Variants in DIAPH2 observed in about 807,000 individuals in gnomAD.
The protein encoded by DIAPH2 is diaphanous related formin 2.
DIAPH2 carries 35 observed loss-of-function variants against 92.7 expected under a neutral mutation model. The ratio of observed to expected loss-of-function variants is 0.38; its 90% CI spans 0.29 to 0.50. DIAPH2 has a LOEUF of 0.50. DIAPH2 is among the 20% of genes least tolerant of loss of function. DIAPH2 has a pLI of 0.94. For missense variants in DIAPH2, 701 were observed against 819.5 expected, an observed-to-expected ratio of 0.86 and a Z score of 1.77; for synonymous variants, 301 against 280.4, an observed-to-expected ratio of 1.07 and a Z score of -0.73.
chrX:97,147,457 A>G (rs1393083526), intron 22 of DIAPH2, among the ~76,000 whole-genome samples: 1 of 110,769 alleles, frequency 9.0e-6, no homozygotes, highest in Non-Finnish European at 1.9e-5. Context: ...GGTTTACTAG[A>G]CATATTTGAT....
At chrX:97,147,091 T>A (rs2067252921) in intron 22 of DIAPH2, among the ~76,000 whole-genome samples, 1 of 111,466 alleles carries the variant, frequency 9.0e-6, no homozygotes, top group South Asian at 3.7e-4. Flanking sequence ...AGAGAGAGTA[T>A]ATCACTTCCT....
At chrX:97,341,704 T>A (rs1013873313) in intron 23 of DIAPH2, among the ~76,000 whole-genome samples, 11 of 110,938 alleles carry the variant, frequency 9.9e-5, no homozygotes, top group African/African-American at 3.6e-4. Flanking sequence ...ACCAGGAATG[T>A]CAATGTCCCA....
intron 17 of DIAPH2, among the ~76,000 whole-genome samples, chrX:97,057,953 G>A (rs1277823871): frequency 9.2e-6 from 1 of 109,236 alleles, no homozygotes; most frequent in Non-Finnish European, 1.9e-5. Flanking sequence ...GTCACATTGG[G>A]AAATTCTATT....
At chrX:97,226,337 C>T (rs147452773) in intron 22 of DIAPH2, among the ~76,000 whole-genome samples, 1,893 of 110,234 alleles carry the variant, frequency 0.017, 43 homozygotes, top group African/African-American at 0.06. Flanking sequence ...AATGAGTATA[C>T]GTTTTTTGTT....
chrX:96,839,366 A>G (rs192000572), intron 4 of DIAPH2, among the ~76,000 whole-genome samples: 17 of 111,331 alleles, frequency 1.5e-4, no homozygotes, highest in African/African-American at 4.2e-4. Context: ...GTCATAATGT[A>G]TAATAAAGCT....
chrX:96,987,803 A>C (rs1183511821), intron 17 of DIAPH2, among the ~76,000 whole-genome samples: 1 of 110,906 alleles, frequency 9.0e-6, no homozygotes, highest in Non-Finnish European at 1.9e-5. Flanking sequence ...TGTATCTTGA[A>C]GTTTAGAAAT....
At chrX:96,921,814 C>T (rs1352777743) in intron 9 of DIAPH2, among the ~76,000 whole-genome samples, 2 of 107,660 alleles carry the variant, frequency 1.9e-5, no homozygotes, top group African/African-American at 6.8e-5. Context: ...TACATACATT[C>T]ATATGCACAT....
chrX:96,914,658 T>C (rs138591574), intron 7 of DIAPH2, among the ~76,000 whole-genome samples: 234 of 110,771 alleles, frequency 2.1e-3, no homozygotes, highest in African/African-American at 7.3e-3. Context: ...AGTAAGATTC[T>C]TATAGAGCCC....
chrX:97,031,019 T>C lies in DIAPH2; in HGVS notation c.2051-41922T>C, dbSNP rs1404227451. The stretch of plus-strand genomic sequence containing the variant: ...TCCTGTTTAGTTTAACAAATTATTT[T>C]ACTCAGGGCTTTACAATATCTGTCC... On this transcript the variant is annotated intron_variant, in intron 17 of 26. Transcript: ENST00000324765. Among the ~76,000 whole-genome samples, 4 of 111,978 alleles carry C rather than the reference T, an allele frequency of 3.6e-5. No homozygotes were observed. The Admixed American group carries it at 3.8e-4, about 11-fold the overall frequency.
At chrX:96,998,435 G>C (rs983173520) in intron 17 of DIAPH2, among the ~76,000 whole-genome samples, 18 of 111,199 alleles carry the variant, frequency 1.6e-4, no homozygotes, top group African/African-American at 5.9e-4. Context: ...GAAAAAAAAT[G>C]ATAATGCTCA....
chrX:97,406,400 A>G lies in DIAPH2; in HGVS notation c.3145+22356A>G, dbSNP rs187499734. Among the ~76,000 whole-genome samples, 4 of 111,584 alleles carry G rather than the reference A, an allele frequency of 3.6e-5. No individual in the cohort carries two copies. In the East Asian group the frequency reaches 1.1e-3, roughly 31 times the overall value. The stretch of plus-strand genomic sequence containing the variant: ...ATATAAAGATGTCAGCAATGTGTAG[A>G]TTCTCTAAATATGCTTTTCCTTCTT... On this transcript the variant is annotated intron_variant, in intron 25 of 26. Coordinates refer to ENST00000324765, the MANE Select transcript of DIAPH2 (RefSeq NM_006729.5).
chrX:97,325,658 A>G (rs1464099500), intron 23 of DIAPH2, among the ~76,000 whole-genome samples: 2 of 108,044 alleles, frequency 1.9e-5, no homozygotes, highest in Non-Finnish European at 3.8e-5. Flanking sequence ...GCTCACTGCA[A>G]GCTCCGCGTC....
intron 22 of DIAPH2, among the ~76,000 whole-genome samples, chrX:97,174,576 A>G (rs1249545578): frequency 8.9e-6 from 1 of 111,908 alleles, no homozygotes; most frequent in Non-Finnish European, 1.9e-5. Flanking sequence ...GAGCTTTCAT[A>G]AAACAATTTG....
At chrX:96,693,047 G>A (rs1218772775) in intron 1 of DIAPH2, among the ~76,000 whole-genome samples, 1 of 112,027 alleles carries the variant, frequency 8.9e-6, no homozygotes, top group Non-Finnish European at 1.9e-5. Context: ...TGGAGCTGGG[G>A]ATGGGTGGAG....
intron 17 of DIAPH2, among the ~76,000 whole-genome samples, chrX:97,006,482 T>C (rs2066183592): frequency 8.9e-6 from 1 of 112,407 alleles, no homozygotes. Flanking sequence ...CATATATATT[T>C]TGAATCGTTA....
intron 4 of DIAPH2, among the ~76,000 whole-genome samples, chrX:96,830,819 G>C (rs998157641): frequency 3.1e-4 from 34 of 110,735 alleles, no homozygotes; most frequent in Admixed American, 2.9e-4. Context: ...AGAGAATATG[G>C]AAAGAAAGCT....
At chrX:97,016,185 G>C (rs888436256) in intron 17 of DIAPH2, among the ~76,000 whole-genome samples, 1 of 111,947 alleles carries the variant, frequency 8.9e-6, no homozygotes, top group Non-Finnish European at 1.9e-5. Context: ...GTGTGAGATC[G>C]ACATTTAATG....
rs765349022 is a variant in DIAPH2, at chrX:97,152,589, G to A, written c.2719+10795G>A. 7.1e-5 allele frequency among the ~76,000 whole-genome samples: 8 copies of A among 112,059 alleles called. No homozygotes were observed. In the South Asian group the frequency reaches 2.6e-3, roughly 37 times the overall value. On this transcript the variant is annotated intron_variant, in intron 22 of 26. Coordinates refer to ENST00000324765, the MANE Select transcript of DIAPH2 (RefSeq NM_006729.5). ...CCTTCTTGCTCTGTCATCCCATGGC[G>A]GAAGGGTGGAGGGGTAGAAGGGTCA...
intron 26 of DIAPH2, among the ~76,000 whole-genome samples, chrX:97,598,960 G>T (rs752041777): frequency 5.4e-5 from 6 of 111,967 alleles, no homozygotes; most frequent in Non-Finnish European, 7.5e-5. Context: ...AAAGAATTTT[G>T]TTGTTGCCTG....
Sources: allele counts gnomAD v4.1 joint callset (sites outside exome capture counted in the v4.1 genomes callset), GRCh38; gene constraint gnomAD v4.1.1; transcripts MANE v1.5; gene names NCBI Gene and HGNC (gene_info 2026-07-23, HGNC 2026-07-21).